The following DLGAP2 variants were observed in gnomAD, a reference collection of about 807,000 sequenced individuals.
DLGAP2 encodes the protein DLG associated protein 2.
DLGAP2 carries 26 observed loss-of-function variants against 100.3 expected under a neutral mutation model. That is an observed-to-expected ratio of 0.26 (90% CI 0.19 to 0.36). The LOEUF (loss-of-function observed/expected upper bound fraction) is 0.36. Ranked by LOEUF, DLGAP2 falls within the 10% of genes least tolerant of loss-of-function variation. The pLI is 1.00. For synonymous variants in DLGAP2, 886 were observed against 630.1 expected (o/e 1.41, Z -6.08); for missense variants, 1,858 against 1,453.2 (o/e 1.28, Z -4.53).
At chr8:1,127,814 T>C (rs778683045) in intron 2 of DLGAP2, among the ~76,000 whole-genome samples, 1 of 152,186 alleles carries the variant, frequency 6.6e-6, no homozygotes, top group Non-Finnish European at 1.5e-5. Context: ...CTGGAGGTTG[T>C]TTTGATGTGG....
At chr8:1,110,034 T>G (rs1454041806) in intron 2 of DLGAP2, among the ~76,000 whole-genome samples, 8 of 123,740 alleles carry the variant, frequency 6.5e-5, no homozygotes, top group Non-Finnish European at 1.0e-4. Context: ...GGTGTGCACG[T>G]GCCTATGAAG....
chr8:1,189,372 C>G (rs1158951645), intron 2 of DLGAP2, among the ~76,000 whole-genome samples: 1 of 152,340 alleles, frequency 6.6e-6, no homozygotes, highest in East Asian at 1.9e-4. Flanking sequence ...AACCTGGTCC[C>G]TAAATAACAT....
At chr8:1,334,689 G>T (rs982079970) in intron 3 of DLGAP2, among the ~76,000 whole-genome samples, 1 of 151,922 alleles carries the variant, frequency 6.6e-6, no homozygotes, top group African/African-American at 2.4e-5. Context: ...GGCACTCCAG[G>T]GTAAACACCT....
intron 3 of DLGAP2, among the ~76,000 whole-genome samples, chr8:1,485,471 A>G (rs1180915754): frequency 6.6e-6 from 1 of 152,288 alleles, no homozygotes; most frequent in Non-Finnish European, 1.5e-5. Flanking sequence ...GAAAGCATGT[A>G]TGTAAGTAAT....
At position 894,193 on chromosome 8, in the gene DLGAP2, G is replaced by C. The variant is rs374895819; in HGVS notation, c.19-13719G>C. Among the ~76,000 whole-genome samples the C allele has an allele frequency of 7.9e-5, 12 of 152,310 alleles. No homozygotes were observed. The East Asian group carries it at 1.2e-3, about 15-fold the overall frequency. On this transcript the variant is annotated intron_variant, in intron 1 of 14. Coordinates refer to ENST00000637795, the MANE Select transcript of DLGAP2 (RefSeq NM_001346810.2). ...AGCCCTTGGGTGGGAGACGCCCCCA[G>C]AGCAGCCTCCCTGCAGCCTGAGGTG...
chr8:765,499 G>A (rs764020332), intron 1 of DLGAP2, among the ~76,000 whole-genome samples: 7 of 152,192 alleles, frequency 4.6e-5, no homozygotes, highest in Middle Eastern at 6.8e-3. Flanking sequence ...TGCCAGATAC[G>A]TGGCATTTGA....
chr8:1,165,036 C>G (rs1266221564), intron 2 of DLGAP2, among the ~76,000 whole-genome samples: 1 of 151,926 alleles, frequency 6.6e-6, no homozygotes, highest in Non-Finnish European at 1.5e-5. Flanking sequence ...TGTTGGGAGT[C>G]CGGGGTCCTG....
At chr8:1,064,336 G>C (rs1803179064) in intron 2 of DLGAP2, among the ~76,000 whole-genome samples, 1 of 152,196 alleles carries the variant, frequency 6.6e-6, no homozygotes, top group Admixed American at 6.5e-5. Context: ...ATAGCTGCAA[G>C]AGGTACACAC....
chr8:1,176,135 C>G (rs1797248921), intron 2 of DLGAP2, among the ~76,000 whole-genome samples: 1 of 152,116 alleles, frequency 6.6e-6, no homozygotes, highest in South Asian at 2.1e-4. Flanking sequence ...CTGGAGAGGC[C>G]TCAGGAAACT....
chr8:806,127 G>A (rs1385969967), intron 1 of DLGAP2, among the ~76,000 whole-genome samples: 4 of 152,214 alleles, frequency 2.6e-5, no homozygotes, highest in Non-Finnish European at 4.4e-5. Context: ...AAGATGCCAG[G>A]CAGCAATTTA....
chr8:1,354,642 G>C (rs1458190580), intron 3 of DLGAP2, among the ~76,000 whole-genome samples: 11 of 147,676 alleles, frequency 7.4e-5, no homozygotes, highest in Admixed American at 7.4e-4. Context: ...CACGGATGAT[G>C]CTGCGGATGA....
At chr8:1,499,515 A>G (rs1799646450) in intron 3 of DLGAP2, among the ~76,000 whole-genome samples, 4 of 152,196 alleles carry the variant, frequency 2.6e-5, no homozygotes, top group Admixed American at 1.3e-4. Flanking sequence ...ATATTTCTAC[A>G]TGAATGAGAC....
intron 3 of DLGAP2, among the ~76,000 whole-genome samples, chr8:1,318,137 T>A (rs200613607): frequency 4.9e-4 from 31 of 62,836 alleles, no homozygotes; most frequent in East Asian, 9.1e-4. Context: ...GAGACACTCG[T>A]CAGCGTTTAA....
At position 753,110 on chromosome 8, in the gene DLGAP2, G is replaced by A. The variant is rs1160683453; in HGVS notation, c.18+15285G>A. Among the ~76,000 whole-genome samples the A allele has an allele frequency of 2.0e-5, 3 of 152,164 alleles. No homozygotes were observed. In the East Asian group the frequency reaches 5.8e-4, roughly 29 times the overall value. On this transcript the variant is annotated intron_variant, in intron 1 of 14. Coordinates refer to ENST00000637795, the MANE Select transcript of DLGAP2 (RefSeq NM_001346810.2). ...AACCTGCAACCAGAGGTGTTGAGAAGCCAGGAGGGTTCTGAGAAGCCAGGA... is the reference window on the plus strand; with the variant it reads ...AACCTGCAACCAGAGGTGTTGAGAAACCAGGAGGGTTCTGAGAAGCCAGGA...
chr8:1,362,699 A>G (rs189224982), intron 3 of DLGAP2, among the ~76,000 whole-genome samples: 6 of 152,016 alleles, frequency 3.9e-5, no homozygotes, highest in East Asian at 1.9e-4. Context: ...ACCTAAATCT[A>G]TTTTCCGCCC....
At chr8:1,061,303 C>G (rs1347711747) in intron 2 of DLGAP2, among the ~76,000 whole-genome samples, 1 of 152,158 alleles carries the variant, frequency 6.6e-6, no homozygotes, top group African/African-American at 2.4e-5. Context: ...GCCTTACTCT[C>G]TCCAATGTAG....
chr8:1,605,996 T>C (rs1796783648), intron 6 of DLGAP2, among the ~76,000 whole-genome samples: 1 of 152,182 alleles, frequency 6.6e-6, no homozygotes, highest in Non-Finnish European at 1.5e-5. Context: ...TATAATACCT[T>C]CCGCAGAGAA....
At chr8:962,355 C>T (rs1037403979) in intron 2 of DLGAP2, among the ~76,000 whole-genome samples, 13 of 152,300 alleles carry the variant, frequency 8.5e-5, no homozygotes, top group Admixed American at 1.3e-4. Flanking sequence ...CAGTGCCATC[C>T]GGTCTCCATA....
Position 889,085 on chromosome 8 carries a change from G to T in DLGAP2, c.19-18827G>T, listed in dbSNP as rs552493713. Among the ~76,000 whole-genome samples the T allele has an allele frequency of 8.5e-5, 13 of 152,284 alleles. No homozygotes were observed. The South Asian group carries it at 2.5e-3, about 29-fold the overall frequency. On this transcript the variant is annotated intron_variant, in intron 1 of 14. Coordinates refer to ENST00000637795, the MANE Select transcript of DLGAP2 (RefSeq NM_001346810.2). ...TGGCGGGCAGACTGGAGGTCACAAG[G>T]TGCTCAGTAGGGGAGCTTTTGAGCC...
Sources: allele counts gnomAD v4.1 joint callset (sites outside exome capture counted in the v4.1 genomes callset), GRCh38; gene constraint gnomAD v4.1.1; transcripts MANE v1.5; gene names NCBI Gene and HGNC (gene_info 2026-07-23, HGNC 2026-07-21).